ATOSA: variants seen among roughly 807,000 people sequenced by gnomAD.
ATOSA encodes the protein atos homolog A, also known as atos homolog protein A.
At chr15:52,596,162 A>T in the ATOSA span, among the ~76,000 whole-genome samples, 6 of 152,114 alleles carry the variant, frequency 3.9e-5, no homozygotes, top group African/African-American at 1.4e-4. Flanking sequence ...AAAAACTATA[A>T]AACACTGATG....
At chr15:52,637,706 A>G in the ATOSA span, among the ~76,000 whole-genome samples, 1 of 152,194 alleles carries the variant, frequency 6.6e-6, no homozygotes, top group African/African-American at 2.4e-5. Context: ...CTATATACTA[A>G]TAAGAGCCCA....
the ATOSA span, among the ~76,000 whole-genome samples, chr15:52,628,313 T>C: frequency 1.3e-5 from 2 of 152,194 alleles, no homozygotes; most frequent in African/African-American, 4.8e-5. Context: ...TAAGTAATGT[T>C]AGAATCCAAG....
the ATOSA span, chr15:52,611,355 T>A: frequency 6.8e-7 from 1 of 1,467,160 alleles, no homozygotes; most frequent in African/African-American, 1.4e-5. Context: ...CACTCAGGAT[T>A]TGTGCTTTGA....
the ATOSA span, among the ~76,000 whole-genome samples, chr15:52,663,533 C>A: frequency 6.6e-6 from 1 of 152,168 alleles, no homozygotes; most frequent in Non-Finnish European, 1.5e-5. Context: ...AAAACCATCA[C>A]TTTTTTCAGA....
the ATOSA span, chr15:52,652,043 G>T: frequency 6.7e-7 from 1 of 1,482,652 alleles, no homozygotes; most frequent in Non-Finnish European, 8.9e-7. Flanking sequence ...CTCCGTGTAA[G>T]GTTTTTCACA....
chr15:52,634,911 T>C, the ATOSA span, among the ~76,000 whole-genome samples: 5 of 152,276 alleles, frequency 3.3e-5, no homozygotes, highest in African/African-American at 1.2e-4. Context: ...CAGATGTCAA[T>C]TTTGAATATA....
chr15:52,623,784 G>A, the ATOSA span, among the ~76,000 whole-genome samples: 3 of 152,200 alleles, frequency 2.0e-5, no homozygotes, highest in Non-Finnish European at 4.4e-5. Context: ...ATTCTGAAGA[G>A]TATAAACGAT....
chr15:52,651,975 T>C, the ATOSA span: 1 of 1,533,424 alleles, frequency 6.5e-7, no homozygotes, highest in Non-Finnish European at 8.7e-7. Context: ...AACTGAGGGA[T>C]CCAGATGTCT....
At chr15:52,611,474 C>T in the ATOSA span, 2 of 1,299,340 alleles carry the variant, frequency 1.5e-6, no homozygotes, top group South Asian at 1.4e-5. Flanking sequence ...AATTTTATTA[C>T]ATAGAGGAAT....
At chr15:52,591,126 G>T in the ATOSA span, among the ~76,000 whole-genome samples, 6 of 152,172 alleles carry the variant, frequency 3.9e-5, no homozygotes, top group Non-Finnish European at 7.3e-5. Context: ...TTCCATCAAA[G>T]ATATTTATTT....
At chr15:52,686,490 T>C in the ATOSA span, among the ~76,000 whole-genome samples, 1 of 152,202 alleles carries the variant, frequency 6.6e-6, no homozygotes, top group Non-Finnish European at 1.5e-5. Context: ...TAAGAATGCA[T>C]AAAAACTACA....
chr15:52,611,455 T>C, the ATOSA span: 1 of 1,219,828 alleles, frequency 8.2e-7, no homozygotes, highest in East Asian at 2.5e-5. Context: ...CAAATATAAA[T>C]ACTATCTCAA....
At chr15:52,698,421 A>G in the ATOSA span, among the ~76,000 whole-genome samples, 1 of 152,250 alleles carries the variant, frequency 6.6e-6, no homozygotes, top group African/African-American at 2.4e-5. Flanking sequence ...AAAAGAAATT[A>G]GTGCTATGTT....
chr15:52,623,141 AGAGT>A, the ATOSA span, among the ~76,000 whole-genome samples: 15 of 149,928 alleles, frequency 1.0e-4, no homozygotes, highest in Non-Finnish European at 2.2e-4. Flanking sequence ...CCTGGGCAAC[AGAGT>A]GAGACTCCGT....
chr15:52,643,803 C>T, the ATOSA span, among the ~76,000 whole-genome samples: 3 of 151,918 alleles, frequency 2.0e-5, no homozygotes, highest in Non-Finnish European at 4.4e-5. Flanking sequence ...ATCCCAGCTT[C>T]TCAGGAGGCT....
chr15:52,593,425 TAG>T, the ATOSA span: 1 of 659,594 alleles, frequency 1.5e-6, no homozygotes, highest in Non-Finnish European at 2.5e-6. Context: ...TGAACTAGCT[TAG>T]AAAGAAGTTG....
the ATOSA span, among the ~76,000 whole-genome samples, chr15:52,680,676 C>T: frequency 1.3e-5 from 2 of 152,168 alleles, no homozygotes; most frequent in African/African-American, 2.4e-5. Context: ...TGTATCTAAT[C>T]AGAGCGGAGA....
the ATOSA span, chr15:52,658,702 A>C: frequency 5.7e-6 from 2 of 350,984 alleles, no homozygotes; most frequent in Non-Finnish European, 1.0e-5. Flanking sequence ...ATGGTGGCTC[A>C]TGCTTGTAAT....
chr15:52,638,620 G>T, the ATOSA span, among the ~76,000 whole-genome samples: 1 of 149,524 alleles, frequency 6.7e-6, no homozygotes, highest in Non-Finnish European at 1.5e-5. Flanking sequence ...AGAATCACTT[G>T]AACCCGGGAG....
Sources: gnomAD v4.1 joint callset for allele counts (sites outside exome capture counted in the v4.1 genomes callset) on GRCh38, gnomAD v4.1.1 for gene constraint, MANE v1.5 for transcripts, NCBI Gene and HGNC (gene_info 2026-07-23, HGNC 2026-07-21) for gene names.